CHRNB4: variants seen among roughly 807,000 people sequenced by gnomAD.
CHRNB4 encodes the protein neuronal acetylcholine receptor subunit beta-4.
CHRNB4 carries 23 observed loss-of-function variants against 40.4 expected under a neutral mutation model. The observed-to-expected ratio is 0.57, with a 90% CI of 0.41 to 0.81. The LOEUF is 0.81. Among genes scored for constraint, CHRNB4 ranks in the 30% least tolerant of loss-of-function variants. CHRNB4 has a pLI of 0.00. For synonymous variants in CHRNB4, 285 were observed against 274.4 expected (o/e 1.04, Z -0.38); for missense variants, 568 against 670.6 (o/e 0.85, Z 1.69).
chr15:78,642,652 G>A (rs1213686184), upstream of CHRNB4, among the ~76,000 whole-genome samples: 1 of 152,178 alleles, frequency 6.6e-6, no homozygotes, highest in Non-Finnish European at 1.5e-5. Flanking sequence ...ATAAAACCTG[G>A]AGGCCACTGC....
At chr15:78,643,950 C>G (rs1468499092), upstream of CHRNB4, among the ~76,000 whole-genome samples, 1 of 148,832 alleles carries the variant, frequency 6.7e-6, no homozygotes, top group African/African-American at 2.5e-5. Context: ...GAGATCGAGA[C>G]CATCCTGGCT....
chr15:78,654,973 A>G (rs1230503990), intron 5 of CHRNB4, among the ~76,000 whole-genome samples: 5 of 152,148 alleles, frequency 3.3e-5, no homozygotes, highest in Non-Finnish European at 7.3e-5. Context: ...TTATGGACGG[A>G]TAACTGGAGT....
At chr15:78,637,957 C>T (rs1279580027) in intron 1 of CHRNB4, among the ~76,000 whole-genome samples, 1 of 152,158 alleles carries the variant, frequency 6.6e-6, no homozygotes, top group Non-Finnish European at 1.5e-5. Context: ...AGTCTGTAGC[C>T]CCAGGCTAGA....
intron 1 of CHRNB4, among the ~76,000 whole-genome samples, chr15:78,637,785 G>A (rs1407000962): frequency 2.0e-5 from 3 of 152,194 alleles, no homozygotes; most frequent in South Asian, 2.1e-4. Context: ...AGTGCCTTGT[G>A]AAAGATGCTC....
At position 78,629,432 on chromosome 15, in the gene CHRNB4, A is replaced by G; in HGVS notation, c.873T>C (p.Asp291=). The G allele has an allele frequency of 6.2e-7, 1 of 1,614,132 alleles. No homozygotes were observed. Among genetic ancestry groups the G allele is most frequent in the East Asian group, 2.2e-5 (1 of 44,886 alleles). Residue 291 remains aspartate (D), a synonymous_variant, in exon 5 of 6, where the codon GAT becomes GAC. Coordinates refer to ENST00000261751, the MANE Select transcript of CHRNB4 (RefSeq NM_000750.5). The surrounding 1 kb of genome is among the most constrained non-coding windows in gnomAD (Gnocchi z 6.8). ...TGAGGTACTTGCCGATGAGAGGCAC[A>G]TCGAGGGAGGTGGGTGGCACGATCT... ...ISKIVPPTSL[D]VPLIGKYLMF...
In CHRNB4 at chr15:78,631,140, C is replaced by A; in HGVS notation, c.295G>T (p.Gly99Cys). 1 of 1,614,206 alleles carries A rather than the reference C, an allele frequency of 6.2e-7. No individual in the cohort carries two copies. The highest frequency in any genetic ancestry group is 8.5e-7 in the Non-Finnish European group (1 of 1,180,036). The change falls in exon 4 of 6, where the codon GGT becomes TGT. Residue 99 changes from glycine (G) to cysteine (C), a missense_variant. Gly to Cys is a radical substitution (Grantham distance 159). This residue lies in a region of CHRNB4 where 161 missense variants were observed against 148.1 expected (regional missense o/e 1.09). Coordinates refer to ENST00000261751, the MANE Select transcript of CHRNB4 (RefSeq NM_000750.5). Reference sequence around the variant, plus strand: ...GCAGGGATCCTCAGGATGTTCACACCCTCGTAGCGGGAGCTGTTCCAGGTC... The same window carrying A: ...GCAGGGATCCTCAGGATGTTCACACACTCGTAGCGGGAGCTGTTCCAGGTC... ...RLTWNSSRYE[G>C]VNILRIPAKR...
intron 2 of CHRNB4, among the ~76,000 whole-genome samples, chr15:78,633,041 C>G (rs2053867608): frequency 6.6e-6 from 1 of 152,200 alleles, no homozygotes; most frequent in Non-Finnish European, 1.5e-5. Context: ...CGGGGCCTTG[C>G]CAGGTTTCCC....
chr15:78,631,370 G>T, intron 2 of CHRNB4, 38 bp from the exon 3 acceptor site: 1 of 1,603,530 alleles, frequency 6.2e-7, no homozygotes, highest in Middle Eastern at 2.0e-4. Flanking sequence ...CACCAGGAAG[G>T]AGGAGCCTCA....
At chr15:78,638,096 C>T (rs2053992244) in intron 1 of CHRNB4, among the ~76,000 whole-genome samples, 1 of 152,246 alleles carries the variant, frequency 6.6e-6, no homozygotes, top group Admixed American at 6.5e-5. Flanking sequence ...TCTGCAGCTC[C>T]CATCCCCCAG....
At chr15:78,637,136 T>C (rs11072768) in intron 1 of CHRNB4, among the ~76,000 whole-genome samples, 1 of 151,984 alleles carries the variant, frequency 6.6e-6, no homozygotes, top group Non-Finnish European at 1.5e-5. Context: ...AGAGCCATAT[T>C]CAAGACCCAG....
intron 6 of CHRNB4, among the ~76,000 whole-genome samples, chr15:78,652,232 C>G (rs2054178360): frequency 1.3e-5 from 2 of 152,258 alleles, no homozygotes; most frequent in South Asian, 4.1e-4. Flanking sequence ...CTGCTCTCTG[C>G]TCTTCCCCTT....
chr15:78,660,476 T>C (rs1160006837), intron 1 of CHRNB4: 2 of 152,452 alleles, frequency 1.3e-5, no homozygotes, highest in South Asian at 2.1e-4. Context: ...AAACCTACTA[T>C]GACGTGGCAC....
At chr15:78,661,341 G>T (rs1015330111), upstream of CHRNB4, 16 of 564,832 alleles carry the variant, frequency 2.8e-5, no homozygotes, top group African/African-American at 2.6e-4. Flanking sequence ...TCCTGAACCC[G>T]CACATCATCC....
chr15:78,638,884 A>G (rs1247986388), intron 1 of CHRNB4, among the ~76,000 whole-genome samples: 2 of 152,342 alleles, frequency 1.3e-5, no homozygotes, highest in Non-Finnish European at 2.9e-5. Context: ...ATCCCAGCCC[A>G]TGGGCTGACA....
rs2054014158 is a variant in CHRNB4, at chr15:78,638,958, C to G, written c.55+2121G>C. Reference sequence around the variant, plus strand: ...TCAATGATTCTGATGAGGAGTGGGCCCCACCAGCCTCTGCCCAGGGTTTTG... The same window carrying G: ...TCAATGATTCTGATGAGGAGTGGGCGCCACCAGCCTCTGCCCAGGGTTTTG... On this transcript the variant is annotated intron_variant, in intron 1 of 5. Transcript: ENST00000261751. Among the ~76,000 whole-genome samples the G allele has an allele frequency of 2.0e-5, 3 of 152,142 alleles. No individual in the cohort carries two copies. In the South Asian group the frequency reaches 6.2e-4, roughly 32 times the overall value.
chr15:78,650,597 TGGCCAAAAGG>T (rs2054164169), intron 6 of CHRNB4, among the ~76,000 whole-genome samples: 1 of 152,204 alleles, frequency 6.6e-6, no homozygotes, highest in Non-Finnish European at 1.5e-5. Context: ...GAGGAAGAGT[TGGCCAAAAGG>T]GGCATTTATG....
At chr15:78,631,002 C>CT in intron 4 of CHRNB4, 74 bp downstream of exon 4, 1 of 1,204,306 alleles carries the variant, frequency 8.3e-7, no homozygotes, top group South Asian at 1.2e-5. Context: ...GGACTCAGGC[C>CT]TGGATGACTC....
intron 2 of CHRNB4, among the ~76,000 whole-genome samples, chr15:78,657,795 G>T (rs1277060988): frequency 6.6e-6 from 1 of 151,870 alleles, no homozygotes; most frequent in Non-Finnish European, 1.5e-5. Flanking sequence ...CTCATGATCT[G>T]CCCGCCTCGG....
rs538439969 is a variant in CHRNB4, at chr15:78,653,297, G to A, written c.-109-626C>T. 9.2e-5 allele frequency among the ~76,000 whole-genome samples: 14 copies of A among 152,300 alleles called. No homozygotes were observed. In the East Asian group the frequency reaches 2.7e-3, roughly 29 times the overall value. ...TTCAAATTCTGGCTTTAAGTCTAAAGGGTTCACTCTACCTTGTCCTGAATC... is the reference window on the plus strand; with the variant it reads ...TTCAAATTCTGGCTTTAAGTCTAAAAGGTTCACTCTACCTTGTCCTGAATC... On this transcript the variant is annotated intron_variant and NMD_transcript_variant, in intron 5 of 11. Coordinates refer to the CHRNB4 transcript ENST00000559849.
Sources: gnomAD v4.1 joint callset for allele counts (sites outside exome capture counted in the v4.1 genomes callset) on GRCh38, gnomAD v4.1.1 for gene constraint, gnomAD v4.1.1 regional missense constraint, Gnocchi (gnomAD v3.1) non-coding constraint, MANE v1.5 for transcripts, NCBI Gene and HGNC (gene_info 2026-07-23, HGNC 2026-07-21) for gene names.